Variants in FAM120C observed in about 807,000 individuals in gnomAD.
FAM120C encodes constitutive coactivator of PPAR-gamma-like protein 2.
In FAM120C, 14 loss-of-function variants were observed where a neutral mutation model predicts 71.2. The observed-to-expected ratio is 0.20, with a 90% CI of 0.13 to 0.31. FAM120C has a LOEUF of 0.31. Ranked by LOEUF, FAM120C falls within the 10% of genes least tolerant of loss-of-function variation. The probability of loss-of-function intolerance (pLI) is 1.00; values close to 1 mark genes in which losing one functional copy is unlikely to be tolerated. For missense variants in FAM120C, 500 were observed against 879.0 expected, an observed-to-expected ratio of 0.57 and a Z score of 5.45; for synonymous variants, 354 against 353.2, an observed-to-expected ratio of 1.00 and a Z score of -0.03.
chrX:54,183,022 G>T lies in FAM120C; in HGVS notation c.177C>A (p.Gly59=). 1.7e-6 allele frequency: 2 copies of T among 1,156,604 alleles called. No individual in the cohort carries two copies. Among genetic ancestry groups the T allele is most frequent in the Non-Finnish European group, 1.1e-6 (1 of 871,049 alleles). Residue 59 remains glycine, a synonymous_variant, in exon 1 of 16, where the codon GGC becomes GGA. Coordinates refer to ENST00000375180, the MANE Select transcript of FAM120C (RefSeq NM_017848.6). ...GAAGCGGCGGTTGCAGAGGCACGGA[G>T]CCCCTGGCGGCGCGTGGAGCCCCGG... ...LAPGAPRAAR[G]SVPLQPPLPP...
intron 15 of FAM120C, among the ~76,000 whole-genome samples, chrX:54,074,662 C>T (rs1557120427): frequency 8.9e-6 from 1 of 112,442 alleles, no homozygotes; most frequent in Non-Finnish European, 1.9e-5. Flanking sequence ...GGTGATCCAC[C>T]CGCCTCAGCT....
intron 4 of FAM120C, chrX:54,147,417 T>C (rs1309918406): frequency 1.9e-4 from 21 of 111,706 alleles, no homozygotes; most frequent in African/African-American, 6.8e-4. Flanking sequence ...GACGCACACA[T>C]TGCGCTGCTG....
intron 15 of FAM120C, among the ~76,000 whole-genome samples, chrX:54,079,817 G>A (rs1318959460): frequency 1.8e-5 from 2 of 110,710 alleles, no homozygotes; most frequent in African/African-American, 6.5e-5. Flanking sequence ...AAAGCAGAAT[G>A]GTAACGCTCC....
chrX:54,096,344 G>A (rs1230631257), intron 10 of FAM120C, among the ~76,000 whole-genome samples: 1 of 111,541 alleles, frequency 9.0e-6, no homozygotes, highest in East Asian at 2.8e-4. Flanking sequence ...CCAGGAGGCG[G>A]AGGTTGTAGT....
chrX:54,171,457 T>C (rs1189034867), intron 1 of FAM120C: 1 of 112,335 alleles, frequency 8.9e-6, no homozygotes, highest in Non-Finnish European at 1.9e-5. Context: ...AAGCTGTGGG[T>C]GTTTATACAT....
chrX:54,129,125 C>A (rs782464178), intron 9 of FAM120C, among the ~76,000 whole-genome samples: 1 of 105,955 alleles, frequency 9.4e-6, no homozygotes, highest in Non-Finnish European at 2.0e-5. Flanking sequence ...CCCTCCCGGA[C>A]GGGGCGGCCG....
At chrX:54,115,565 C>T (rs782551713) in intron 10 of FAM120C, among the ~76,000 whole-genome samples, 1 of 111,849 alleles carries the variant, frequency 8.9e-6, no homozygotes, top group African/African-American at 3.2e-5. Flanking sequence ...GCGTATTTTA[C>T]AGGATCGAGA....
chrX:54,182,656 G>A lies in FAM120C; in HGVS notation c.543C>T (p.Ala181=), dbSNP rs1557137571. ...CGGCCTGGCACCGACGGCCCCACTC[G>A]GCCAGCCGGTCCTTGCCCAGGCCCC... The part of the protein sequence containing the change: ...FPGGLGKDRL[A]EWGRRCQAER... The change falls in exon 1 of 16, where the codon GCC becomes GCT. Residue 181 remains alanine (A), a synonymous_variant. Transcript: ENST00000375180. 1.7e-6 allele frequency: 2 copies of A among 1,207,981 alleles called. No homozygotes were observed. Among genetic ancestry groups the A allele is most frequent in the African/African-American group, 1.7e-5 (1 of 57,907 alleles).
At chrX:54,124,610 CCACT>C (rs1384381607) in intron 9 of FAM120C, among the ~76,000 whole-genome samples, 1 of 99,322 alleles carries the variant, frequency 1.0e-5, no homozygotes, top group African/African-American at 3.6e-5. Flanking sequence ...TGGCCTGCGC[CCACT>C]GTCTGGCACT....
intron 4 of FAM120C, among the ~76,000 whole-genome samples, chrX:54,137,928 A>T (rs2067102545): frequency 8.9e-6 from 1 of 111,770 alleles, no homozygotes; most frequent in South Asian, 3.7e-4. Context: ...TGATACAGCA[A>T]TCCTACTTCT....
intron 13 of FAM120C, among the ~76,000 whole-genome samples, chrX:54,081,890 A>G (rs1448709175): frequency 9.0e-6 from 1 of 110,536 alleles, no homozygotes; most frequent in East Asian, 2.9e-4. Flanking sequence ...TCTCTGATAA[A>G]AAGACTCTGT....
chrX:54,147,523 C>G (rs1557132534), intron 4 of FAM120C: 1 of 110,176 alleles, frequency 9.1e-6, no homozygotes, highest in Non-Finnish European at 1.9e-5. Flanking sequence ...AGTGCTAAGG[C>G]TAAAAGACAA....
chrX:54,083,984 T>C (rs782112667), intron 13 of FAM120C, among the ~76,000 whole-genome samples: 5 of 111,475 alleles, frequency 4.5e-5, no homozygotes, highest in African/African-American at 6.5e-5. Context: ...CCTCCCAACG[T>C]GCTGGATTAC....
intron 10 of FAM120C, among the ~76,000 whole-genome samples, chrX:54,098,857 G>C (rs999723955): frequency 9.0e-6 from 1 of 110,946 alleles, no homozygotes; most frequent in Non-Finnish European, 1.9e-5. Flanking sequence ...CTGACCTCGT[G>C]ATCTGCCCTC....
intron 8 of FAM120C, 93 bp downstream of exon 8, chrX:54,133,680 C>A: frequency 6.1e-6 from 6 of 989,475 alleles, no homozygotes; most frequent in Non-Finnish European, 8.2e-6. Context: ...CTTCATATAC[C>A]AGTGACCAGA....
At chrX:54,113,637 C>T (rs1287470847) in intron 10 of FAM120C, among the ~76,000 whole-genome samples, 4 of 107,600 alleles carry the variant, frequency 3.7e-5, no homozygotes, top group Non-Finnish European at 7.7e-5. Context: ...CCAGGCCGGG[C>T]GCGGTGGCTC....
chrX:54,142,512 G>A (rs782617593), intron 4 of FAM120C, among the ~76,000 whole-genome samples: 46 of 112,079 alleles, frequency 4.1e-4, no homozygotes, highest in Non-Finnish European at 5.6e-4. Flanking sequence ...GTCTGAGGTC[G>A]AACTGCAAGG....
At chrX:54,176,146 AT>A (rs1342365064) in intron 1 of FAM120C, among the ~76,000 whole-genome samples, 7 of 111,181 alleles carry the variant, frequency 6.3e-5, no homozygotes, top group African/African-American at 2.3e-4. Flanking sequence ...AAAAGTAGAG[AT>A]TTAGGCCAGG....
chrX:54,087,390 CA>C (rs371884994), intron 12 of FAM120C, among the ~76,000 whole-genome samples: 34 of 89,578 alleles, frequency 3.8e-4, no homozygotes, highest in East Asian at 2.4e-3. Context: ...AGCTCCTTTA[CA>C]AAAAAAAAAA....
Sources: allele counts gnomAD v4.1 joint callset (sites outside exome capture counted in the v4.1 genomes callset), GRCh38; gene constraint gnomAD v4.1.1; transcripts MANE v1.5; gene names NCBI Gene and HGNC (gene_info 2026-07-23, HGNC 2026-07-21).